Variants in NLGN1 observed in about 807,000 individuals in gnomAD.
NLGN1 encodes the protein neuroligin 1.
In NLGN1, 12 loss-of-function variants were observed where a neutral mutation model predicts 65.5. The observed-to-expected ratio is 0.18, with a 90% CI of 0.12 to 0.30. NLGN1 has a LOEUF of 0.30. Among genes scored for constraint, NLGN1 ranks in the 10% least tolerant of loss-of-function variants. The pLI is 1.00. For synonymous variants in NLGN1, 350 were observed against 359.5 expected, an observed-to-expected ratio of 0.97 and a Z score of 0.30; for missense variants, 750 against 1,007.1, an observed-to-expected ratio of 0.74 and a Z score of 3.46.
chr3:173,945,764 C>T (rs1031686156), intron 4 of NLGN1, among the ~76,000 whole-genome samples: 3 of 152,108 alleles, frequency 2.0e-5, no homozygotes, highest in African/African-American at 7.2e-5. Context: ...GAAAATGTAC[C>T]TACCTGGTTG....
chr3:173,938,559 A>AT (rs1491045220), intron 4 of NLGN1, among the ~76,000 whole-genome samples: 1 of 152,186 alleles, frequency 6.6e-6, no homozygotes, highest in Non-Finnish European at 1.5e-5. Flanking sequence ...CCGTGTTGAC[A>AT]TATACTGCTA....
chr3:173,499,887 A>G (rs958011569), intron 2 of NLGN1, among the ~76,000 whole-genome samples: 5 of 151,438 alleles, frequency 3.3e-5, no homozygotes, highest in Middle Eastern at 6.8e-3. Flanking sequence ...AATACTTGTG[A>G]TTTTTGGGCA....
At chr3:174,097,466 A>G (rs1745749649) in intron 4 of NLGN1, among the ~76,000 whole-genome samples, 1 of 152,220 alleles carries the variant, frequency 6.6e-6, no homozygotes, top group African/African-American at 2.4e-5. Flanking sequence ...AATTATTTGA[A>G]TTTAGAGCTG....
At chr3:173,939,842 T>C (rs997153112) in intron 4 of NLGN1, among the ~76,000 whole-genome samples, 2 of 152,096 alleles carry the variant, frequency 1.3e-5, no homozygotes, top group African/African-American at 4.8e-5. Context: ...AAATATCTAA[T>C]CAAGAGTCCA....
intron 4 of NLGN1, among the ~76,000 whole-genome samples, chr3:173,830,008 G>GGGTT (rs1553863538): frequency 2.3e-4 from 15 of 65,494 alleles, no homozygotes; most frequent in African/African-American, 8.1e-4. Context: ...TGGGTAGTGT[G>GGGTT]GGGGGGGGAG....
intron 3 of NLGN1, among the ~76,000 whole-genome samples, chr3:173,673,721 T>C (rs1762758026): frequency 6.6e-6 from 1 of 152,194 alleles, no homozygotes; most frequent in Admixed American, 6.6e-5. Context: ...CAAAGCCATG[T>C]ACTTTTTTTG....
rs200553827 is a variant in NLGN1 at position 174,266,020 on chromosome 3, A to ATGTG, written c.647-9285_647-9282dup. Among the ~76,000 whole-genome samples the ATGTG allele has an allele frequency of 2.4e-4, 34 of 142,116 alleles. 1 individual carries two copies. The highest frequency in any genetic ancestry group is 4.3e-4 in the Non-Finnish European group (28 of 65,502). The allele number at this position is 142,116 out of a possible 152,430, so 93.2% of individuals were successfully genotyped here. A position where few individuals can be genotyped will look rare whatever the true frequency, so the allele number is the denominator to read the frequency against. ...TATATATTGCCCTCAGTGCATATAT[A>ATGTG]TGTGTGTGTGTGTATATATATATAT... is the stretch of plus-strand genomic sequence containing the variant. On this transcript the variant is annotated intron_variant, in intron 4 of 6. Transcript: ENST00000457714.
At chr3:173,797,835 T>C (rs1714496872) in intron 3 of NLGN1, among the ~76,000 whole-genome samples, 1 of 152,076 alleles carries the variant, frequency 6.6e-6, no homozygotes, top group Non-Finnish European at 1.5e-5. Context: ...ATGTGCCACA[T>C]GCAAAGAAGT....
intron 2 of NLGN1, among the ~76,000 whole-genome samples, chr3:173,502,247 T>G (rs1215044219): frequency 6.6e-6 from 1 of 152,158 alleles, no homozygotes; most frequent in Non-Finnish European, 1.5e-5. Flanking sequence ...AACGTTAAAT[T>G]CTAGTTCTTG....
intron 2 of NLGN1, among the ~76,000 whole-genome samples, chr3:173,453,228 C>G (rs1721935606): frequency 6.6e-6 from 1 of 151,792 alleles, no homozygotes; most frequent in Non-Finnish European, 1.5e-5. Flanking sequence ...GCTGGGACTA[C>G]AGGTGTATAC....
intron 2 of NLGN1, among the ~76,000 whole-genome samples, chr3:173,562,547 CAG>C (rs998628376): frequency 1.3e-5 from 2 of 150,212 alleles, no homozygotes; most frequent in African/African-American, 2.5e-5. Flanking sequence ...AGCCTGGTGA[CAG>C]AGCAAGATTG....
At chr3:173,528,536 A>T (rs570832441) in intron 2 of NLGN1, among the ~76,000 whole-genome samples, 1 of 152,214 alleles carries the variant, frequency 6.6e-6, no homozygotes, top group African/African-American at 2.4e-5. Context: ...TATGTTTTCC[A>T]CATTTCTTAG....
intron 4 of NLGN1, among the ~76,000 whole-genome samples, chr3:173,901,168 GT>G (rs1243309049): frequency 3.3e-5 from 5 of 151,908 alleles, no homozygotes; most frequent in African/African-American, 1.2e-4. Flanking sequence ...CTTTACTAGT[GT>G]TTGTCATGGA....
intron 3 of NLGN1, among the ~76,000 whole-genome samples, chr3:173,683,547 A>G (rs758302483): frequency 1.7e-4 from 26 of 152,198 alleles, no homozygotes; most frequent in Admixed American, 1.2e-3. Flanking sequence ...AACTCAAAAT[A>G]TGGTTTTTTT....
chr3:173,803,713 C>T (rs1017222199), intron 3 of NLGN1, among the ~76,000 whole-genome samples: 5 of 151,984 alleles, frequency 3.3e-5, no homozygotes, highest in Middle Eastern at 3.4e-3. Context: ...CTGTTATGTC[C>T]AGTTTAACAA....
In NLGN1 at chr3:174,215,933, A is replaced by G. The variant is rs569542344; in HGVS notation, c.647-59382A>G. On this transcript the variant is annotated intron_variant, in intron 4 of 6. Coordinates refer to ENST00000457714, the Ensembl canonical transcript of NLGN1. ...TTTACCTCCTAAACCTCCTCTCCCC[A>G]CAGAGCCAAACGGCTTTATACTTGC... Among the ~76,000 whole-genome samples, 9 of 152,104 alleles carry G rather than the reference A, an allele frequency of 5.9e-5. No homozygotes were observed. The East Asian group carries it at 1.5e-3, about 26-fold the overall frequency.
At chr3:174,032,521 A>C (rs1242713391) in intron 4 of NLGN1, among the ~76,000 whole-genome samples, 2 of 152,214 alleles carry the variant, frequency 1.3e-5, no homozygotes, top group Non-Finnish European at 2.9e-5. Context: ...GAAATGCAGT[A>C]TCTCAGGAAT....
intron 4 of NLGN1, among the ~76,000 whole-genome samples, chr3:174,033,692 G>T (rs1730519918): frequency 6.6e-6 from 1 of 152,144 alleles, no homozygotes. Flanking sequence ...GCTCATACTA[G>T]ACTTGACACA....
intron 2 of NLGN1, among the ~76,000 whole-genome samples, chr3:173,439,542 A>T (rs1178440508): frequency 6.6e-6 from 1 of 151,948 alleles, no homozygotes; most frequent in Non-Finnish European, 1.5e-5. Context: ...CAAAAAAAAA[A>T]AAAAAGTACA....
Sources: allele counts gnomAD v4.1 joint callset (sites outside exome capture counted in the v4.1 genomes callset), GRCh38; gene constraint gnomAD v4.1.1; transcripts MANE v1.5; gene names NCBI Gene and HGNC (gene_info 2026-07-23, HGNC 2026-07-21).